MCM3: variants seen among roughly 807,000 people sequenced by gnomAD.
MCM3 encodes minichromosome maintenance complex component 3.
In MCM3, 59 loss-of-function variants were observed where a neutral mutation model predicts 91.3. The ratio of observed to expected loss-of-function variants is 0.65; its 90% CI spans 0.52 to 0.80. MCM3 has a LOEUF of 0.80. Ranked by LOEUF, MCM3 falls within the 30% of genes least tolerant of loss-of-function variation. MCM3 has a pLI of 0.00. For missense variants in MCM3, 919 were observed against 1,035.4 expected (o/e 0.89, Z 1.54); for synonymous variants, 383 against 379.6 (o/e 1.01, Z -0.10).
At chr6:52,264,837 C>G (rs748814992) in intron 16 of MCM3, 51 bp from the exon 17 acceptor site, 1 of 1,507,602 alleles carries the variant, frequency 6.6e-7, no homozygotes, top group Admixed American at 1.7e-5. Context: ...CCCAAATGCT[C>G]TCAGGAAACA....
At chr6:52,265,331 C>A in intron 16 of MCM3, 1 of 425,372 alleles carries the variant, frequency 2.4e-6, no homozygotes, top group Non-Finnish European at 4.7e-6. Flanking sequence ...GGTAGAAGGA[C>A]TGCTTGAGGC....
rs1022771720 is a variant in MCM3, at chr6:52,278,088, A to G, written c.880-400T>C. On this transcript the variant is annotated intron_variant, in intron 6 of 16. Coordinates refer to ENST00000596288, the MANE Select transcript of MCM3 (RefSeq NM_002388.6). ...GTCTCACCAAAAAAAAAAAAAAAAA[A>G]AAAAAAAAAGAAAATACTTGAAGAA... Among the ~76,000 whole-genome samples, 87 of 151,002 alleles carry G rather than the reference A, an allele frequency of 5.8e-4. 2 individuals are homozygous for G. Among genetic ancestry groups the G allele is most frequent in the East Asian group, 5.8e-4 (3 of 5,184 alleles).
In MCM3 at chr6:52,269,640, T is replaced by C. The variant is rs114074096; in HGVS notation, c.1828-414A>G. Among the ~76,000 whole-genome samples, 528 of 152,266 alleles carry C rather than the reference T, an allele frequency of 3.5e-3. 3 individuals carry two copies. Among genetic ancestry groups the C allele is most frequent in the African/African-American group, 0.012 (481 of 41,546 alleles). The stretch of plus-strand genomic sequence containing the variant: ...ATGAAGGAAATGGGACTCAAAGACC[T>C]TCAAGGAGATTTTCCAAAGTCACAC... On this transcript the variant is annotated intron_variant, in intron 12 of 16. Transcript: ENST00000596288.
At chr6:52,271,272 T>C (rs889207175) in intron 12 of MCM3, among the ~76,000 whole-genome samples, 3 of 152,098 alleles carry the variant, frequency 2.0e-5, no homozygotes, top group African/African-American at 7.2e-5. Flanking sequence ...TCTATGTCTA[T>C]GTAACATAAT....
chr6:52,271,404 A>C (rs1765118268), intron 12 of MCM3, among the ~76,000 whole-genome samples: 1 of 152,188 alleles, frequency 6.6e-6, no homozygotes, highest in African/African-American at 2.4e-5. Flanking sequence ...GCACTTTGGG[A>C]GGCCAAGCCG....
chr6:52,278,737 C>A lies in MCM3; in HGVS notation c.879+5G>T. The A allele has an allele frequency of 6.2e-7, 1 of 1,605,054 alleles. No homozygotes were observed. Among genetic ancestry groups the A allele is most frequent in the Non-Finnish European group, 8.5e-7 (1 of 1,172,980 alleles). On this transcript the variant is annotated splice_donor_5th_base_variant and intron_variant, in intron 6 of 16. Transcript: ENST00000596288. ...CACCCTCAAATTTCTAAAGGATGCC[C>A]AGACCTTGGATCGGGTTTTACTGAA... is the stretch of plus-strand genomic sequence containing the variant.
At chr6:52,284,394 G>A (rs982451713) in intron 1 of MCM3, among the ~76,000 whole-genome samples, 1 of 152,222 alleles carries the variant, frequency 6.6e-6, no homozygotes, top group Admixed American at 6.5e-5. Context: ...TTAAGAGAAA[G>A]CTGGCTTCCT....
At position 52,267,096 on chromosome 6, in the gene MCM3, C is replaced by CTT. The variant is rs70977337; in HGVS notation, c.2073-402_2073-401dup. ...CCTTCTCTTTTACCCAGGGTATCTT[C>CTT]TTTTTTTTTTTTTTTTGAGACGGAC... On this transcript the variant is annotated intron_variant, in intron 14 of 16. Coordinates refer to ENST00000596288, the MANE Select transcript of MCM3 (RefSeq NM_002388.6). Among the ~76,000 whole-genome samples, 257 of 111,572 alleles carry CTT rather than the reference C, an allele frequency of 2.3e-3. 11 individuals carry two copies. Among genetic ancestry groups the CTT allele is most frequent in the African/African-American group, 8.1e-3 (240 of 29,718 alleles). 73.2% of individuals were successfully genotyped at this position (111,572 alleles called of 152,430 possible).
intron 16 of MCM3, 102 bp from the exon 17 acceptor site, chr6:52,264,888 G>T: frequency 1.1e-6 from 1 of 945,788 alleles, no homozygotes; most frequent in Non-Finnish European, 1.7e-6. Context: ...CAGTAGAGGC[G>T]TCCCCTCAAT....
intron 10 of MCM3, 21 bp from the exon 11 acceptor site, chr6:52,273,377 G>C (rs1184818296): frequency 6.2e-7 from 1 of 1,613,654 alleles, no homozygotes; most frequent in Non-Finnish European, 8.5e-7. Context: ...CAAGTTAGGA[G>C]AAAGGAGAGT....
Position 52,264,211 on chromosome 6 carries a change from G to T in MCM3, c.*377C>A, listed in dbSNP as rs1764458343. On this transcript the variant is annotated 3_prime_UTR_variant, in exon 17 of 17. Transcript: ENST00000596288. ...AGCCTAGTCTAGACCAAAGTGCTCTGGAGAAAAAAAACAAAACAAAAAAAC... is the reference window on the plus strand; with the variant it reads ...AGCCTAGTCTAGACCAAAGTGCTCTTGAGAAAAAAAACAAAACAAAAAAAC... 5 of 239,682 alleles carry T rather than the reference G, an allele frequency of 2.1e-5. No individual in the cohort carries two copies. The South Asian group carries it at 2.6e-4, about 13-fold the overall frequency. 14.8% of individuals were successfully genotyped at this position (239,682 alleles called of 1,614,324 possible).
intron 16 of MCM3, chr6:52,265,203 G>A (rs531824333): frequency 5.6e-6 from 2 of 357,672 alleles, no homozygotes; most frequent in African/African-American, 2.2e-5. Flanking sequence ...TCTATCATCA[G>A]AGAATTTCAT....
At chr6:52,266,790 A>G in intron 14 of MCM3, 94 bp from the exon 15 acceptor site, 1 of 935,058 alleles carries the variant, frequency 1.1e-6, no homozygotes, top group Non-Finnish European at 1.8e-6. Flanking sequence ...GAGAAAAGGA[A>G]ACAGAACCAC....
chr6:52,271,031 T>C (rs1765091948), intron 12 of MCM3, among the ~76,000 whole-genome samples: 1 of 151,600 alleles, frequency 6.6e-6, no homozygotes, highest in South Asian at 2.1e-4. Flanking sequence ...GTCAACACAG[T>C]GAAACCCCGT....
At chr6:52,268,499 A>T (rs1156950968) in intron 13 of MCM3, among the ~76,000 whole-genome samples, 2 of 152,200 alleles carry the variant, frequency 1.3e-5, no homozygotes, top group African/African-American at 4.8e-5. Context: ...TAGACTCACA[A>T]CTCAACCCCA....
At position 52,282,153 on chromosome 6, in the gene MCM3, G is replaced by A. The variant is rs573455428; in HGVS notation, c.423C>T (p.Val141=). The A allele has an allele frequency of 1.3e-4, 213 of 1,614,040 alleles. 1 individual carries two copies. In the South Asian group the frequency reaches 1.4e-3, roughly 10 times the overall value. The change falls in exon 4 of 17, where the codon GTC becomes GTT. Residue 141 remains valine, a synonymous_variant. Coordinates refer to ENST00000596288, the MANE Select transcript of MCM3 (RefSeq NM_002388.6). The part of the protein sequence containing the change: ...VTKCSLVRPK[V]VRSVHYCPAT... ...CAGGACAGTAGTGGACACTGCGGAC[G>A]ACTTTGGGACGAACTAGAGAACCTA...
At position 52,272,461 on chromosome 6, in the gene MCM3, C is replaced by A. The variant is rs1490905544; in HGVS notation, c.1677-10G>T. On this transcript the variant is annotated splice_polypyrimidine_tract_variant and intron_variant, in intron 11 of 16. Transcript: ENST00000596288. ...ACTCACCATCTTCTCCCTGGAGCCA[C>A]ACACAGTGAATTCCATCTCCCTGCC... 3 of 1,613,852 alleles carry A rather than the reference C, an allele frequency of 1.9e-6. No homozygotes were observed. In the East Asian group the frequency reaches 6.7e-5, roughly 36 times the overall value.
chr6:52,272,171 T>C, intron 12 of MCM3, 130 bp downstream of exon 12: 1 of 862,374 alleles, frequency 1.2e-6, no homozygotes, highest in South Asian at 2.5e-5. Flanking sequence ...TAAAATTGTA[T>C]AACAGGAAGC....
chr6:52,269,004 G>A (rs541312102), intron 13 of MCM3, 82 bp downstream of exon 13: 38 of 1,436,730 alleles, frequency 2.6e-5, no homozygotes, highest in East Asian at 1.9e-4. Flanking sequence ...AAATGTAGCC[G>A]TCAGCCACGG....
Sources: allele counts gnomAD v4.1 joint callset (sites outside exome capture counted in the v4.1 genomes callset), GRCh38; gene constraint gnomAD v4.1.1; transcripts MANE v1.5; gene names NCBI Gene and HGNC (gene_info 2026-07-23, HGNC 2026-07-21).